The following TAFA4 variants were observed in gnomAD, a reference collection of about 807,000 sequenced individuals.
The protein encoded by TAFA4 is chemokine-like protein TAFA-4.
TAFA4 carries 20 observed loss-of-function variants against 21.1 expected under a neutral mutation model. That is an observed-to-expected ratio of 0.95 (90% CI 0.67 to 1.38). The LOEUF (loss-of-function observed/expected upper bound fraction) is 1.38. TAFA4 is among the 40% of genes most tolerant of loss of function. TAFA4 has a pLI of 0.00. For synonymous variants in TAFA4, 71 were observed against 67.4 expected (o/e 1.05, Z -0.26); for missense variants, 211 against 180.9 (o/e 1.17, Z -0.95).
intron 3 of TAFA4, among the ~76,000 whole-genome samples, chr3:68,766,781 C>T (rs1702862180): frequency 6.6e-6 from 1 of 152,192 alleles, no homozygotes; most frequent in South Asian, 2.1e-4. Flanking sequence ...AGCAGACCTA[C>T]ACCAAGGTGT....
intron 5 of TAFA4, among the ~76,000 whole-genome samples, chr3:68,735,670 C>T (rs1559753035): frequency 6.6e-6 from 1 of 151,796 alleles, no homozygotes; most frequent in African/African-American, 2.4e-5. Flanking sequence ...ATACTGAAGA[C>T]AAAACTGTTG....
rs372104530 is a variant in TAFA4, at chr3:68,885,754, A to G, written c.-122-444T>C. On this transcript the variant is annotated intron_variant, in intron 1 of 5. Transcript: ENST00000295569. ...CTGAATTCCTGGATTTGTGTGACAT[A>G]AGCCTGAAGATGATGCTAGACAATC... Among the ~76,000 whole-genome samples the G allele has an allele frequency of 2.0e-5, 3 of 152,214 alleles. No homozygotes were observed. In the East Asian group the frequency reaches 5.8e-4, roughly 29 times the overall value.
chr3:68,852,306 G>A (rs1343671374), intron 3 of TAFA4, among the ~76,000 whole-genome samples: 1 of 152,036 alleles, frequency 6.6e-6, no homozygotes, highest in Non-Finnish European at 1.5e-5. Context: ...ACTGAGCCTG[G>A]GACTTTCTTC....
At chr3:68,756,775 C>T (rs964230791) in intron 3 of TAFA4, among the ~76,000 whole-genome samples, 15 of 152,136 alleles carry the variant, frequency 9.9e-5, no homozygotes, top group Non-Finnish European at 2.1e-4. Flanking sequence ...AAATGATAAA[C>T]CTAATTAAAT....
At chr3:68,931,385 C>T (rs1256983699) in intron 1 of TAFA4, among the ~76,000 whole-genome samples, 1 of 152,084 alleles carries the variant, frequency 6.6e-6, no homozygotes, top group Non-Finnish European at 1.5e-5. Flanking sequence ...TTTACTAAGG[C>T]TCCGTGGAGC....
chr3:68,879,762 T>C (rs528381248), intron 3 of TAFA4, among the ~76,000 whole-genome samples: 1 of 152,280 alleles, frequency 6.6e-6, no homozygotes, highest in Non-Finnish European at 1.5e-5. Flanking sequence ...AAGTGGAAAG[T>C]ATGACATGTT....
intron 1 of TAFA4, among the ~76,000 whole-genome samples, chr3:68,891,412 C>A (rs529140580): frequency 3.9e-5 from 6 of 152,316 alleles, no homozygotes; most frequent in African/African-American, 1.2e-4. Flanking sequence ...TCTTGCATCA[C>A]CTCCAGAGTG....
Position 68,916,564 on chromosome 3 carries a change from G to C in TAFA4, c.-123+15676C>G, listed in dbSNP as rs534583951. 1.5e-3 allele frequency among the ~76,000 whole-genome samples: 221 copies of C among 152,258 alleles called. 1 individual carries two copies. The highest frequency in any genetic ancestry group is 5.2e-3 in the African/African-American group (216 of 41,534). ...CTAGGTCCCAACTTCATTTATGACT[G>C]CATTCTGCCTGTATCATTTCACCCC... is the stretch of plus-strand genomic sequence containing the variant. On this transcript the variant is annotated intron_variant, in intron 1 of 5. Coordinates refer to ENST00000295569, the MANE Select transcript of TAFA4 (RefSeq NM_182522.5).
At position 68,917,432 on chromosome 3, in the gene TAFA4, C is replaced by G. The variant is rs9883583; in HGVS notation, c.-123+14808G>C. Among the ~76,000 whole-genome samples, 474 of 152,058 alleles carry G rather than the reference C, an allele frequency of 3.1e-3. 18 individuals carry two copies. In the East Asian group the frequency reaches 0.068, roughly 22 times the overall value. The stretch of plus-strand genomic sequence containing the variant: ...CAAAGCAGAATCAGAGACCTCCCCC[C>G]CTGTGTGTCAGTGTGGAACAGACTG... On this transcript the variant is annotated intron_variant, in intron 1 of 5. Coordinates refer to ENST00000295569, the MANE Select transcript of TAFA4 (RefSeq NM_182522.5).
At chr3:68,751,454 GA>G (rs1702555820) in intron 4 of TAFA4, among the ~76,000 whole-genome samples, 1 of 152,162 alleles carries the variant, frequency 6.6e-6, no homozygotes, top group Non-Finnish European at 1.5e-5. Context: ...ACAGCCAGCA[GA>G]AAGAATGGTT....
chr3:68,826,313 C>T (rs1483416670), intron 3 of TAFA4, among the ~76,000 whole-genome samples: 1 of 152,140 alleles, frequency 6.6e-6, no homozygotes, highest in African/African-American at 2.4e-5. Flanking sequence ...GTGGCTCACG[C>T]CTGTAATCCC....
At chr3:68,861,492 AG>A (rs2106923505) in intron 3 of TAFA4, among the ~76,000 whole-genome samples, 1 of 152,104 alleles carries the variant, frequency 6.6e-6, no homozygotes, top group South Asian at 2.1e-4. Flanking sequence ...CCTAACCTTT[AG>A]AAACTCTTGT....
At chr3:68,741,059 A>G (rs546116910) in intron 4 of TAFA4, among the ~76,000 whole-genome samples, 1 of 152,298 alleles carries the variant, frequency 6.6e-6, no homozygotes, top group South Asian at 2.1e-4. Flanking sequence ...TAGCTTTGTA[A>G]TATAATTGGA....
At chr3:68,744,055 T>C (rs1702406949) in intron 4 of TAFA4, among the ~76,000 whole-genome samples, 1 of 152,258 alleles carries the variant, frequency 6.6e-6, no homozygotes, top group Admixed American at 6.5e-5. Context: ...AGCTTAGTTG[T>C]ATTTACATAG....
chr3:68,889,697 G>A (rs1471314835), intron 1 of TAFA4, among the ~76,000 whole-genome samples: 1 of 152,004 alleles, frequency 6.6e-6, no homozygotes, highest in African/African-American at 2.4e-5. Context: ...TAACTATGAG[G>A]AAAATCAGAT....
intron 3 of TAFA4, among the ~76,000 whole-genome samples, chr3:68,805,086 T>C (rs1453341693): frequency 2.0e-5 from 3 of 151,890 alleles, no homozygotes; most frequent in Non-Finnish European, 4.4e-5. Flanking sequence ...GAATCTACAA[T>C]GAACTCAAAC....
Position 68,794,718 on chromosome 3 carries a change from TG to T in TAFA4, c.131-41701del, listed in dbSNP as rs1412860179. The stretch of plus-strand genomic sequence containing the variant: ...AAGACATCTCTGTCGATCATTTTGG[TG>T]GGGTAAAATATATACACTCCATACC... On this transcript the variant is annotated intron_variant, in intron 3 of 5. Transcript: ENST00000295569. Among the ~76,000 whole-genome samples the T allele has an allele frequency of 3.9e-5, 6 of 152,090 alleles. 1 individual carries two copies. The highest frequency in any genetic ancestry group is 4.4e-5 in the Non-Finnish European group (3 of 68,022).
chr3:68,899,895 A>G (rs573736742), intron 1 of TAFA4, among the ~76,000 whole-genome samples: 174 of 152,226 alleles, frequency 1.1e-3, no homozygotes, highest in African/African-American at 3.9e-3. Context: ...ATAAAAATTA[A>G]TATCTGGAAA....
intron 3 of TAFA4, among the ~76,000 whole-genome samples, chr3:68,797,337 G>A (rs1703471534): frequency 6.6e-6 from 1 of 152,132 alleles, no homozygotes. Context: ...GACAGGGCCA[G>A]GTGTGGTGGC....
Sources: allele counts gnomAD v4.1 joint callset (sites outside exome capture counted in the v4.1 genomes callset), GRCh38; gene constraint gnomAD v4.1.1; transcripts MANE v1.5; gene names NCBI Gene and HGNC (gene_info 2026-07-23, HGNC 2026-07-21).